The following AFAP1L2 variants were observed in gnomAD, a reference collection of about 807,000 sequenced individuals.
AFAP1L2 encodes the protein actin filament-associated protein 1-like 2.
Under a neutral mutation model 99.3 loss-of-function variants are expected in AFAP1L2, and 46 were observed. The ratio of observed to expected loss-of-function variants is 0.46; its 90% CI spans 0.37 to 0.59. The LOEUF (loss-of-function observed/expected upper bound fraction) is 0.59, where lower values mean the gene tolerates loss of function less well. Ranked by LOEUF, AFAP1L2 falls within the 20% of genes least tolerant of loss-of-function variation. AFAP1L2 has a pLI of 0.00. For synonymous variants in AFAP1L2, 397 were observed against 419.1 expected (o/e 0.95, Z 0.64); for missense variants, 959 against 1,034.9 (o/e 0.93, Z 1.01).
the AFAP1L2 span, chr10:114,281,681 T>C: frequency 2.1e-6 from 2 of 967,124 alleles, no homozygotes; most frequent in Non-Finnish European, 1.2e-6. Context: ...GACCAGATAG[T>C]AGCAGCACAC....
intron 2 of AFAP1L2, among the ~76,000 whole-genome samples, chr10:114,333,930 C>A (rs1024988782): frequency 1.3e-5 from 2 of 152,214 alleles, no homozygotes; most frequent in Admixed American, 6.5e-5. Context: ...TATTTCCTGT[C>A]ATTCTCACCC....
chr10:114,400,207 C>T (rs1026431676), intron 1 of AFAP1L2, among the ~76,000 whole-genome samples: 1 of 152,238 alleles, frequency 6.6e-6, no homozygotes, highest in Non-Finnish European at 1.5e-5. Context: ...GGCACAGCTT[C>T]CTCAGCTTTG....
At chr10:114,303,056 A>AT (rs144529481) in intron 11 of AFAP1L2, among the ~76,000 whole-genome samples, 10,357 of 151,568 alleles carry the variant, frequency 0.068, 691 homozygotes, top group African/African-American at 0.17. Flanking sequence ...TGAATTTGGT[A>AT]TTTTTTTTTC....
At chr10:114,349,012 T>C (rs185308651) in intron 1 of AFAP1L2, among the ~76,000 whole-genome samples, 33 of 152,346 alleles carry the variant, frequency 2.2e-4, no homozygotes, top group African/African-American at 7.0e-4. Context: ...ATGCCTGTTA[T>C]AGAAAGTCAG....
In AFAP1L2 at chr10:114,393,826, G is replaced by A. The variant is rs545492526; in HGVS notation, c.16+10614C>T. ...AGCCTCAGAAGGGCGGGAGATGGGCGCTTGCCCGCTGAGAAGCAAGGAGGT... is the reference window on the plus strand; with the variant it reads ...AGCCTCAGAAGGGCGGGAGATGGGCACTTGCCCGCTGAGAAGCAAGGAGGT... On this transcript the variant is annotated intron_variant, in intron 1 of 18. Transcript: ENST00000304129. Among the ~76,000 whole-genome samples, 379 of 152,366 alleles carry A rather than the reference G, an allele frequency of 2.5e-3. 2 individuals are homozygous for A. Among genetic ancestry groups the A allele is most frequent in the Middle Eastern group, 0.01 (3 of 294 alleles).
Position 114,296,074 on chromosome 10 carries a change from G to A in AFAP1L2, c.2431-6C>T. The stretch of plus-strand genomic sequence containing the variant: ...GCTCCTTTCTTCTCCCATTCCTAGG[G>A]TACCATTCAAATACCAGCACCCACC... On this transcript the variant is annotated splice_region_variant and splice_polypyrimidine_tract_variant and intron_variant, in intron 18 of 18. Transcript: ENST00000304129. 2 of 1,614,008 alleles carry A rather than the reference G, an allele frequency of 1.2e-6. No homozygotes were observed. Among genetic ancestry groups the A allele is most frequent in the Non-Finnish European group, 1.7e-6 (2 of 1,179,960 alleles).
intron 1 of AFAP1L2, among the ~76,000 whole-genome samples, chr10:114,355,171 C>T (rs1448937315): frequency 2.0e-5 from 3 of 152,076 alleles, no homozygotes; most frequent in Non-Finnish European, 4.4e-5. Flanking sequence ...CTATTTAAAC[C>T]ACAGTGGAGT....
At chr10:114,308,542 G>T in intron 8 of AFAP1L2, 25 bp from the exon 9 acceptor site, 9 of 1,601,576 alleles carry the variant, frequency 5.6e-6, no homozygotes, top group Non-Finnish European at 7.7e-6. Flanking sequence ...GACATGAATG[G>T]GGATCACTGG....
In AFAP1L2 at chr10:114,337,016, C is replaced by G. The variant is rs560386764; in HGVS notation, c.145+3587G>C. Among the ~76,000 whole-genome samples the G allele has an allele frequency of 1.1e-4, 16 of 152,346 alleles. No homozygotes were observed. The East Asian group carries it at 3.1e-3, about 29-fold the overall frequency. On this transcript the variant is annotated intron_variant, in intron 2 of 18. Transcript: ENST00000304129. Reference sequence around the variant, plus strand: ...ACCACGGCTATCTTGAGATGATCACCTCGCCTCCACCTACAAGTCTCAACA... The same window carrying G: ...ACCACGGCTATCTTGAGATGATCACGTCGCCTCCACCTACAAGTCTCAACA...
At chr10:114,363,053 C>T in intron 1 of AFAP1L2, 1 of 985,406 alleles carries the variant, frequency 1.0e-6, no homozygotes, top group Non-Finnish European at 1.2e-6. Flanking sequence ...CCAGGCTGCT[C>T]TCCGCTGGGG....
At position 114,295,571 on chromosome 10, in the gene AFAP1L2, A is replaced by T; in HGVS notation, c.*471T>A. 1 of 986,922 alleles carries T rather than the reference A, an allele frequency of 1.0e-6. No individual in the cohort carries two copies. The highest frequency in any genetic ancestry group is 1.2e-6 in the Non-Finnish European group (1 of 831,014). The allele number at this position is 986,922 out of a possible 1,614,324, so 61.1% of individuals were successfully genotyped here. On this transcript the variant is annotated 3_prime_UTR_variant, in exon 19 of 19. Transcript: ENST00000304129. Reference sequence around the variant, plus strand: ...GGCCTGGTAATATTGGAGAGAACTGAAGGCAAGGATGGTTTAATCCCCAAC... The same window carrying T: ...GGCCTGGTAATATTGGAGAGAACTGTAGGCAAGGATGGTTTAATCCCCAAC...
At chr10:114,371,204 T>C (rs1423854592) in intron 1 of AFAP1L2, among the ~76,000 whole-genome samples, 1 of 152,190 alleles carries the variant, frequency 6.6e-6, no homozygotes, top group Non-Finnish European at 1.5e-5. Context: ...CAGAAGTGGC[T>C]GAAATCATGC....
intron 1 of AFAP1L2, among the ~76,000 whole-genome samples, chr10:114,343,369 C>T (rs2049069413): frequency 6.6e-6 from 1 of 152,206 alleles, no homozygotes. Context: ...AGCATGAGCT[C>T]CCCGTCTGCA....
Position 114,377,498 on chromosome 10 carries a change from A to G in AFAP1L2, c.16+26942T>C, listed in dbSNP as rs1173197493. Among the ~76,000 whole-genome samples, 1 of 152,208 alleles carries G rather than the reference A, an allele frequency of 6.6e-6. No homozygotes were observed. The highest frequency in any genetic ancestry group is 1.5e-5 in the Non-Finnish European group (1 of 68,026). On this transcript the variant is annotated intron_variant, in intron 1 of 18. Transcript: ENST00000304129. This position sits in a 1 kb window ranked among gnomAD's most constrained non-coding sequence, Gnocchi z 4.0. The stretch of plus-strand genomic sequence containing the variant: ...GTTTGTTGACTGATTGCTGTATCAT[A>G]GACACTGTACCATATGCCATATGTA...
upstream of AFAP1L2, chr10:114,404,858 A>G (rs114999024): frequency 6.2e-3 from 1,185 of 192,308 alleles, 15 homozygotes; most frequent in African/African-American, 0.026. Context: ...GTGGGCCTCC[A>G]AGATTGTTCC....
At chr10:114,338,121 G>A (rs1052693943) in intron 2 of AFAP1L2, among the ~76,000 whole-genome samples, 4 of 152,190 alleles carry the variant, frequency 2.6e-5, no homozygotes, top group African/African-American at 7.2e-5. Flanking sequence ...GACATGCCTC[G>A]GCTTTACGAC....
At chr10:114,373,951 T>A (rs2054474638) in intron 1 of AFAP1L2, among the ~76,000 whole-genome samples, 1 of 152,110 alleles carries the variant, frequency 6.6e-6, no homozygotes, top group South Asian at 2.1e-4. Flanking sequence ...CTGGTTGGGA[T>A]GCAGTGAAGT....
chr10:114,282,449 ATCT>A, the AFAP1L2 span: 5 of 1,270,106 alleles, frequency 3.9e-6, no homozygotes, highest in African/African-American at 2.9e-5. Flanking sequence ...GTTGTAAATC[ATCT>A]TCTGTTTTCT....
chr10:114,335,628 A>T (rs963214953), intron 2 of AFAP1L2, among the ~76,000 whole-genome samples: 1 of 151,480 alleles, frequency 6.6e-6, no homozygotes, highest in African/African-American at 2.4e-5. Flanking sequence ...AAAAAAAAAA[A>T]TTCAACTTAA....
Sources: gnomAD v4.1 joint callset for allele counts (sites outside exome capture counted in the v4.1 genomes callset) on GRCh38, gnomAD v4.1.1 for gene constraint, Gnocchi (gnomAD v3.1) non-coding constraint, MANE v1.5 for transcripts, NCBI Gene and HGNC (gene_info 2026-07-23, HGNC 2026-07-21) for gene names.